The following MPV17 variants were observed in gnomAD, a reference collection of about 807,000 sequenced individuals.
MPV17 encodes the protein MPV17, mitochondrial inner membrane protein.
Under a neutral mutation model 28.6 loss-of-function variants are expected in MPV17, and 31 were observed. That is an observed-to-expected ratio of 1.08 (90% CI 0.81 to 1.46). The LOEUF (loss-of-function observed/expected upper bound fraction) is 1.46, where lower values mean the gene tolerates loss of function less well. Ranked by LOEUF, MPV17 falls within the 40% of genes most tolerant of loss-of-function variation. The pLI, the probability that MPV17 is intolerant of heterozygous loss-of-function variation, is 0.00. For missense variants in MPV17, 198 were observed against 216.2 expected (o/e 0.92, Z 0.53); for synonymous variants, 87 against 85.3 (o/e 1.02, Z -0.11).
rs1260392202 is a variant in MPV17, at chr2:27,312,585, C to T, written c.284G>A (p.Gly95Asp). The T allele has an allele frequency of 1.2e-6, 2 of 1,614,038 alleles. No individual in the cohort carries two copies. The highest frequency in any genetic ancestry group is 1.7e-6 in the Non-Finnish European group (2 of 1,179,926). The change falls in exon 5 of 8, where the codon GGC (glycine) becomes GAC (aspartate). Residue 95 changes from glycine to aspartate, a missense_variant. Gly to Asp is a moderately conservative substitution (Grantham distance 94). Coordinates refer to ENST00000380044, the MANE Select transcript of MPV17 (RefSeq NM_002437.5). Reference protein sequence around the residue: ...ALKKMLLDQGGFAPCFLGCFL... With the variant: ...ALKKMLLDQGDFAPCFLGCFL... ...GCAGCCTAGAAAACACGGGGCAAAG[C>T]CCCCCTAGGGAAGAGAAATTAAAGT...
rs1679691125 is a variant in MPV17, at chr2:27,317,263, A to T, written c.71-4154T>A. ...CAAACATTAGTTAGCTGCCTAGGAT[A>T]GGGGCTCAGTCTGGCACAGAGCCCA... is the stretch of plus-strand genomic sequence containing the variant. On this transcript the variant is annotated intron_variant, in intron 2 of 7. Transcript: ENST00000380044. This position sits in a 1 kb window ranked among gnomAD's most constrained non-coding sequence, Gnocchi z 4.0. 5 of 1,521,476 alleles carry T rather than the reference A, an allele frequency of 3.3e-6. No individual in the cohort carries two copies. In the South Asian group the frequency reaches 6.3e-5, roughly 19 times the overall value. The allele number at this position is 1,521,476 out of a possible 1,614,324, so 94.2% of individuals were successfully genotyped here.
In MPV17 at chr2:27,312,559, A is replaced by T. The variant is rs902269508; in HGVS notation, c.310T>A (p.Phe104Ile). The part of the protein sequence containing the change: ...GGFAPCFLGC[F>I]LPLVGALNGL... ...TTAAGTGCCCCTACCAGTGGGAGAA[A>T]GCAGCCTAGAAAACACGGGGCAAAG... The change falls in exon 5 of 8, where the codon TTT (phenylalanine) becomes ATT (isoleucine). Residue 104 changes from phenylalanine to isoleucine, a missense_variant. Phe to Ile is a conservative substitution (Grantham distance 21). Transcript: ENST00000380044. 2 of 1,614,172 alleles carry T rather than the reference A, an allele frequency of 1.2e-6. No individual in the cohort carries two copies. Among genetic ancestry groups the T allele is most frequent in the African/African-American group, 2.7e-5 (2 of 75,064 alleles).
chr2:27,315,948 G>T (rs983467986), intron 2 of MPV17: 1 of 1,460,310 alleles, frequency 6.8e-7, no homozygotes, highest in African/African-American at 1.4e-5. Context: ...CTTCTCTCAA[G>T]GAGGACCAAG....
rs1338884811 is a variant in MPV17 at position 27,311,943 on chromosome 2, A to G, written c.417T>C (p.Pro139=). Residue 139 remains proline, a synonymous_variant, in exon 7 of 8, where the codon CCT becomes CCC. Transcript: ENST00000380044. ...DALITNYYLW[P]AVQLANFYLV... ...GGTAGAAGTTGGCTAACTGCACAGC[A>G]GGCCATAGCTGCAAGAGAAAATGTA... 1 of 1,613,730 alleles carries G rather than the reference A, an allele frequency of 6.2e-7. No homozygotes were observed. Among genetic ancestry groups the G allele is most frequent in the Admixed American group, 1.7e-5 (1 of 59,998 alleles).
chr2:27,312,429 C>T lies in MPV17; in HGVS notation c.375+65G>A, dbSNP rs778998249. 17 of 1,558,426 alleles carry T rather than the reference C, an allele frequency of 1.1e-5. No homozygotes were observed. The Admixed American group carries it at 2.3e-4, about 21-fold the overall frequency. ...ACCCCCTTTTTTATCCCTGTAAAACCTGTCTTCTTCCCCTGGGCTGTCAGC... is the reference window on the plus strand; with the variant it reads ...ACCCCCTTTTTTATCCCTGTAAAACTTGTCTTCTTCCCCTGGGCTGTCAGC... On this transcript the variant is annotated intron_variant, in intron 5 of 7. Transcript: ENST00000380044.
At chr2:27,316,914 C>T in intron 2 of MPV17, 1 of 659,354 alleles carries the variant, frequency 1.5e-6, no homozygotes, top group South Asian at 2.0e-5. Context: ...CATGCCGTCA[C>T]TCCCGAACAG....
chr2:27,311,600 C>T, intron 7 of MPV17: 1 of 1,550,522 alleles, frequency 6.4e-7, no homozygotes, highest in Non-Finnish European at 8.7e-7. Context: ...AGCACCCCAG[C>T]CACTGTCCCT....
chr2:27,315,674 GC>G (rs1679621910), intron 2 of MPV17: 1 of 162,516 alleles, frequency 6.2e-6, no homozygotes, highest in Admixed American at 6.2e-5. Flanking sequence ...CGATTCTCCT[GC>G]CTCAGCCTCC....
chr2:27,315,336 C>A (rs1679609981), intron 2 of MPV17, among the ~76,000 whole-genome samples: 1 of 152,222 alleles, frequency 6.6e-6, no homozygotes, highest in East Asian at 1.9e-4. Context: ...TTCCCTATCC[C>A]TCCAGCCAGG....
chr2:27,309,771 A>G lies in MPV17; in HGVS notation c.*141T>C. On this transcript the variant is annotated 3_prime_UTR_variant, in exon 8 of 8. Transcript: ENST00000380044. ...TGTACATTTTAGAGTGAAGAGGGGC[A>G]TTGCAGGGTGCTAGTCCTCTTAAGC... 1 of 719,190 alleles carries G rather than the reference A, an allele frequency of 1.4e-6. No homozygotes were observed. Among genetic ancestry groups the G allele is most frequent in the Non-Finnish European group, 2.6e-6 (1 of 387,842 alleles). 44.6% of individuals were successfully genotyped at this position (719,190 alleles called of 1,614,324 possible).
In MPV17 at chr2:27,318,020, G is replaced by A. The variant is rs1679718578; in HGVS notation, c.70+4428C>T. Among the ~76,000 whole-genome samples the A allele has an allele frequency of 2.0e-5, 3 of 151,990 alleles. No homozygotes were observed. The South Asian group carries it at 6.2e-4, about 31-fold the overall frequency. ...TGATGGCTGCAGTGACTATGCATGT[G>A]TGAACTAGTAGCGGAGCGGAGTTAT... On this transcript the variant is annotated intron_variant, in intron 2 of 7. Coordinates refer to ENST00000380044, the MANE Select transcript of MPV17 (RefSeq NM_002437.5).
At chr2:27,311,192 G>C (rs1679427507) in intron 7 of MPV17, 1 of 170,218 alleles carries the variant, frequency 5.9e-6, no homozygotes, top group Non-Finnish European at 1.3e-5. Flanking sequence ...CGAGTAGCTG[G>C]GACTACGGGC....
At chr2:27,313,268 G>A in intron 2 of MPV17, 159 bp from the exon 3 acceptor site, 1 of 1,493,466 alleles carries the variant, frequency 6.7e-7, no homozygotes, top group Non-Finnish European at 9.1e-7. Context: ...CTGCCTCAAA[G>A]CCCTCACCTC....
In MPV17 at chr2:27,309,868, C is replaced by A; in HGVS notation, c.*44G>T. 3.9e-6 allele frequency: 6 copies of A among 1,548,612 alleles called. No homozygotes were observed. The highest frequency in any genetic ancestry group is 5.4e-6 in the Non-Finnish European group (6 of 1,120,774). On this transcript the variant is annotated 3_prime_UTR_variant, in exon 8 of 8. Coordinates refer to ENST00000380044, the MANE Select transcript of MPV17 (RefSeq NM_002437.5). The stretch of plus-strand genomic sequence containing the variant: ...GGAGGTTGTCTGACCGTTCCAGGGT[C>A]AAGCTGCATCACTGCAAGGTGGAAA...
At chr2:27,314,522 GCACC>G (rs1469026792) in intron 2 of MPV17, among the ~76,000 whole-genome samples, 2 of 152,082 alleles carry the variant, frequency 1.3e-5, no homozygotes, top group Admixed American at 1.3e-4. Context: ...CCAGGACTCT[GCACC>G]TGCTTCCCTT....
chr2:27,312,052 G>A, intron 6 of MPV17, 101 bp from the exon 7 acceptor site: 2 of 1,493,514 alleles, frequency 1.3e-6, no homozygotes, highest in Middle Eastern at 1.9e-4. Flanking sequence ...CAAGAAAAAG[G>A]TGAACAGTTG....
intron 2 of MPV17, chr2:27,316,091 T>C (rs769859822): frequency 1.3e-6 from 2 of 1,550,808 alleles, no homozygotes; most frequent in Non-Finnish European, 1.7e-6. Context: ...TCAAAGGACA[T>C]TCCCTAGACT....
intron 2 of MPV17, chr2:27,316,003 C>T (rs566763455): frequency 6.5e-7 from 1 of 1,538,832 alleles, no homozygotes; most frequent in African/African-American, 1.4e-5. Context: ...GCTCAGAGGT[C>T]AGTGGCACCA....
intron 7 of MPV17, among the ~76,000 whole-genome samples, chr2:27,310,767 C>T (rs929161947): frequency 9.2e-5 from 14 of 151,914 alleles, no homozygotes; most frequent in African/African-American, 2.4e-4. Flanking sequence ...TTTTTTGAGA[C>T]GGAGTCTCGC....
Sources: gnomAD v4.1 joint callset for allele counts (sites outside exome capture counted in the v4.1 genomes callset) on GRCh38, gnomAD v4.1.1 for gene constraint, Gnocchi (gnomAD v3.1) non-coding constraint, MANE v1.5 for transcripts, NCBI Gene and HGNC (gene_info 2026-07-23, HGNC 2026-07-21) for gene names.